The following STK39 variants were observed in gnomAD, a reference collection of about 807,000 sequenced individuals.
The protein encoded by STK39 is STE20/SPS1-related proline-alanine-rich protein kinase.
A neutral mutation model predicts 77.8 loss-of-function variants in STK39; 20 were observed. That is an observed-to-expected ratio of 0.26 (90% CI 0.18 to 0.37). The LOEUF (loss-of-function observed/expected upper bound fraction) is 0.37. Ranked by LOEUF, STK39 falls within the 10% of genes least tolerant of loss-of-function variation. The probability of loss-of-function intolerance (pLI) is 1.00; values close to 1 mark genes in which losing one functional copy is unlikely to be tolerated. For missense variants in STK39, 479 were observed against 656.5 expected, an observed-to-expected ratio of 0.73 and a Z score of 2.95; for synonymous variants, 246 against 234.1, an observed-to-expected ratio of 1.05 and a Z score of -0.47.
At chr2:168,084,208 T>A (rs1039591986) in intron 10 of STK39, among the ~76,000 whole-genome samples, 8 of 151,862 alleles carry the variant, frequency 5.3e-5, no homozygotes, top group African/African-American at 1.9e-4. Context: ...AATGAGAAAA[T>A]CTGGATTTCT....
intron 2 of STK39, among the ~76,000 whole-genome samples, chr2:168,175,651 T>C (rs1409224045): frequency 2.0e-5 from 3 of 152,240 alleles, no homozygotes; most frequent in African/African-American, 4.8e-5. Context: ...ATATACAGTA[T>C]AGTATTTATT....
chr2:168,212,448 C>G (rs529217733), intron 1 of STK39, among the ~76,000 whole-genome samples: 1 of 152,336 alleles, frequency 6.6e-6, no homozygotes, highest in South Asian at 2.1e-4. Context: ...TTGGCCAACT[C>G]TCCTGACCCT....
chr2:168,136,201 T>C (rs1459985147), intron 8 of STK39, among the ~76,000 whole-genome samples: 3 of 151,798 alleles, frequency 2.0e-5, no homozygotes, highest in Admixed American at 6.6e-5. Flanking sequence ...ACCCCGTCTC[T>C]ACTAAAATAC....
At chr2:168,110,873 G>T (rs1300656027) in intron 10 of STK39, among the ~76,000 whole-genome samples, 2 of 152,120 alleles carry the variant, frequency 1.3e-5, no homozygotes, top group African/African-American at 2.4e-5. Flanking sequence ...GATAAATGGT[G>T]TCCTTCCTAT....
At chr2:168,154,463 T>C (rs1688374084) in intron 5 of STK39, among the ~76,000 whole-genome samples, 1 of 152,234 alleles carries the variant, frequency 6.6e-6, no homozygotes, top group African/African-American at 2.4e-5. Flanking sequence ...TTCCACAGAA[T>C]GTAAACACAG....
chr2:167,963,445 A>C (rs1483275756), intron 17 of STK39, among the ~76,000 whole-genome samples: 2 of 152,014 alleles, frequency 1.3e-5, no homozygotes, highest in African/African-American at 4.8e-5. Flanking sequence ...GGTGGTATTA[A>C]AAAAATGAAT....
At chr2:168,038,611 A>G (rs960223921) in intron 14 of STK39, among the ~76,000 whole-genome samples, 5 of 152,130 alleles carry the variant, frequency 3.3e-5, no homozygotes, top group Non-Finnish European at 7.4e-5. Context: ...TCTTTAAAAG[A>G]TACCATTAAG....
chr2:168,100,965 C>T (rs561193900), intron 10 of STK39, among the ~76,000 whole-genome samples: 39 of 152,274 alleles, frequency 2.6e-4, no homozygotes, highest in African/African-American at 9.4e-4. Flanking sequence ...CCCAAATGCC[C>T]ATCAATGACA....
chr2:168,041,474 A>C (rs1253352846), intron 14 of STK39, among the ~76,000 whole-genome samples: 1 of 152,042 alleles, frequency 6.6e-6, no homozygotes, highest in African/African-American at 2.4e-5. Context: ...GCTCTTTAAA[A>C]AAAAAAATGC....
At chr2:168,239,310 G>T (rs1471966678) in intron 1 of STK39, among the ~76,000 whole-genome samples, 2 of 152,212 alleles carry the variant, frequency 1.3e-5, no homozygotes, top group East Asian at 3.8e-4. Context: ...GAAGGGCAGT[G>T]TGGGACTTCC....
intron 5 of STK39, among the ~76,000 whole-genome samples, chr2:168,145,648 G>A (rs1688117437): frequency 6.6e-6 from 1 of 152,202 alleles, no homozygotes; most frequent in Non-Finnish European, 1.5e-5. Flanking sequence ...TCTGCCAACT[G>A]TGTGGTTATG....
At chr2:168,235,538 C>T (rs1290156735) in intron 1 of STK39, among the ~76,000 whole-genome samples, 1 of 151,548 alleles carries the variant, frequency 6.6e-6, no homozygotes, top group African/African-American at 2.4e-5. Context: ...TGTTGGTGTG[C>T]TGCGCCCAGT....
intron 10 of STK39, among the ~76,000 whole-genome samples, chr2:168,117,081 A>G (rs905097375): frequency 1.3e-5 from 2 of 152,228 alleles, no homozygotes; most frequent in African/African-American, 4.8e-5. Flanking sequence ...TGCATAATTC[A>G]CAATTATTAC....
At chr2:168,160,035 G>A (rs3769390) in intron 5 of STK39, among the ~76,000 whole-genome samples, 5,076 of 152,204 alleles carry the variant, frequency 0.033, 259 homozygotes, top group East Asian at 0.24. Context: ...ATCTTACCTC[G>A]GGGATTCTTA....
intron 1 of STK39, among the ~76,000 whole-genome samples, chr2:168,188,354 A>G (rs1689258611): frequency 6.6e-6 from 1 of 152,226 alleles, no homozygotes; most frequent in African/African-American, 2.4e-5. Flanking sequence ...CTGACCTGGC[A>G]TAGCAAGACA....
At chr2:168,237,382 A>G (rs1690647900) in intron 1 of STK39, among the ~76,000 whole-genome samples, 1 of 152,200 alleles carries the variant, frequency 6.6e-6, no homozygotes, top group Non-Finnish European at 1.5e-5. Context: ...CAGTCATGTC[A>G]TCTGCAAACA....
chr2:168,049,909 T>C (rs557883063), intron 14 of STK39, among the ~76,000 whole-genome samples: 56 of 152,302 alleles, frequency 3.7e-4, no homozygotes, highest in African/African-American at 1.3e-3. Context: ...GAACTGGGTG[T>C]CCGATTCTAA....
Position 168,210,281 on chromosome 2 carries a change from C to T in STK39, c.209-28191G>A, listed in dbSNP as rs1689858031. On this transcript the variant is annotated intron_variant, in intron 1 of 17. Transcript: ENST00000355999. ...CAATTTTAAAAATTAAAAGTGTAAACCCAAAGAATTGCAATGCAAATATCA... is the reference window on the plus strand; with the variant it reads ...CAATTTTAAAAATTAAAAGTGTAAATCCAAAGAATTGCAATGCAAATATCA... Among the ~76,000 whole-genome samples the T allele has an allele frequency of 3.3e-5, 5 of 152,248 alleles. No individual in the cohort carries two copies. In the South Asian group the frequency reaches 1.0e-3, roughly 32 times the overall value.
intron 10 of STK39, among the ~76,000 whole-genome samples, chr2:168,102,338 T>G (rs552944937): frequency 5.3e-4 from 81 of 152,306 alleles, no homozygotes; most frequent in African/African-American, 1.8e-3. Context: ...TTTTTATTAG[T>G]GCCATCCTAG....
Sources: gnomAD v4.1 joint callset for allele counts (sites outside exome capture counted in the v4.1 genomes callset) on GRCh38, gnomAD v4.1.1 for gene constraint, MANE v1.5 for transcripts, NCBI Gene and HGNC (gene_info 2026-07-23, HGNC 2026-07-21) for gene names.